FLI1: variants seen among roughly 807,000 people sequenced by gnomAD.
FLI1 encodes Fli-1 proto-oncogene, ETS transcription factor.
FLI1 carries 13 observed loss-of-function variants against 53.1 expected under a neutral mutation model. That is an observed-to-expected ratio of 0.24 (90% confidence interval 0.16 to 0.39). FLI1 has a LOEUF of 0.39. Ranked by LOEUF, FLI1 falls within the 10% of genes least tolerant of loss-of-function variation. The probability of loss-of-function intolerance (pLI) is 1.00; values close to 1 mark genes in which losing one functional copy is unlikely to be tolerated. For missense variants in FLI1, 424 were observed against 600.5 expected (o/e 0.71, Z 3.07); for synonymous variants, 244 against 236.7 (o/e 1.03, Z -0.28).
At chr11:128,808,155 A>G (rs1420528798) in intron 7 of FLI1, among the ~76,000 whole-genome samples, 2 of 152,220 alleles carry the variant, frequency 1.3e-5, no homozygotes, top group Non-Finnish European at 2.9e-5. Context: ...AAAATTATGC[A>G]TTAGTCATCA....
intron 1 of FLI1, among the ~76,000 whole-genome samples, chr11:128,736,842 T>C (rs1471694404): frequency 1.3e-5 from 2 of 152,168 alleles, no homozygotes; most frequent in Admixed American, 6.5e-5. Context: ...TATCTGTGTG[T>C]ATGCAGGTGT....
At chr11:128,792,362 G>A (rs910410192) in intron 5 of FLI1, among the ~76,000 whole-genome samples, 1 of 152,204 alleles carries the variant, frequency 6.6e-6, no homozygotes, top group African/African-American at 2.4e-5. Context: ...AAAATCAGGA[G>A]CCTGACCCAG....
chr11:128,806,290 C>T (rs1942780903), intron 6 of FLI1: 1 of 152,124 alleles, frequency 6.6e-6, no homozygotes, highest in Admixed American at 6.5e-5. Context: ...AGAAATCAAG[C>T]ACACACAGAA....
intron 2 of FLI1, 39 bp from the exon 3 acceptor site, chr11:128,768,079 G>A: frequency 3.2e-6 from 5 of 1,562,808 alleles, no homozygotes; most frequent in Non-Finnish European, 4.3e-6. Flanking sequence ...TGCCCTGTCA[G>A]TGCTGACCGC....
chr11:128,729,217 G>A (rs887391407), intron 1 of FLI1, among the ~76,000 whole-genome samples: 1 of 152,186 alleles, frequency 6.6e-6, no homozygotes, highest in Non-Finnish European at 1.5e-5. Flanking sequence ...AAAGGTAGGG[G>A]GAGAGATTAA....
chr11:128,790,576 G>A (rs1160022289), intron 5 of FLI1, among the ~76,000 whole-genome samples: 5 of 152,134 alleles, frequency 3.3e-5, no homozygotes, highest in South Asian at 4.2e-4. Context: ...TGTGCTGTGC[G>A]AACTGCTATT....
In FLI1 at chr11:128,707,861, C is replaced by T. The variant is rs1484891594; in HGVS notation, c.18+13585C>T. ...ATTTCACATGCCTGTTTCTGATTCA[C>T]TTCCAATTAAAGGCTCAAAACACTG... is the stretch of plus-strand genomic sequence containing the variant. On this transcript the variant is annotated intron_variant, in intron 1 of 8. Transcript: ENST00000527786. Among the ~76,000 whole-genome samples the T allele has an allele frequency of 3.9e-5, 6 of 152,328 alleles. 1 individual carries two copies. The South Asian group carries it at 6.2e-4, about 16-fold the overall frequency.
chr11:128,686,118 T>C (rs1865798419), upstream of FLI1: 3 of 334,652 alleles, frequency 9.0e-6, no homozygotes, highest in South Asian at 6.9e-5. Context: ...AGCTGGATGC[T>C]GGCAGAGAAA....
upstream of FLI1, chr11:128,686,534 T>G (rs747421867): frequency 4.4e-6 from 2 of 454,472 alleles, no homozygotes; most frequent in South Asian, 3.1e-5. Flanking sequence ...CCCAAACCCC[T>G]ACAGTCTCTC....
At chr11:128,728,793 C>A (rs1591759256) in intron 1 of FLI1, among the ~76,000 whole-genome samples, 2 of 152,234 alleles carry the variant, frequency 1.3e-5, no homozygotes, top group Non-Finnish European at 2.9e-5. Flanking sequence ...GGTAAACCTG[C>A]CTTGGCTACA....
intron 5 of FLI1, among the ~76,000 whole-genome samples, chr11:128,784,444 C>G (rs1440900198): frequency 6.6e-6 from 1 of 152,184 alleles, no homozygotes; most frequent in Non-Finnish European, 1.5e-5. Flanking sequence ...ACTGTAGTAT[C>G]CAGGCAAACA....
chr11:128,733,905 C>A (rs1023258467), intron 1 of FLI1, among the ~76,000 whole-genome samples: 1 of 152,222 alleles, frequency 6.6e-6, no homozygotes, highest in Non-Finnish European at 1.5e-5. Flanking sequence ...GAGGAGTCAG[C>A]TCCCACATGC....
chr11:128,694,152 AG>A lies in FLI1; in HGVS notation c.-104del. ...CGCAGGGGGCACGCAGGGAGGGCCC[AG>A]GGCGCCAGGGAGGCCGCGCCGGGCT... On this transcript the variant is annotated 5_prime_UTR_variant, in exon 1 of 9. Transcript: ENST00000527786. 1 of 1,267,558 alleles carries A rather than the reference AG, an allele frequency of 7.9e-7. No homozygotes were observed. The allele number at this position is 1,267,558 out of a possible 1,614,324, so 78.5% of individuals were successfully genotyped here.
At position 128,768,217 on chromosome 11, in the gene FLI1, T is replaced by C. The variant is rs775842771; in HGVS notation, c.330T>C (p.Asn110=). Residue 110 remains asparagine, a synonymous_variant, in exon 3 of 9, where the codon AAT becomes AAC. Coordinates refer to ENST00000527786, the MANE Select transcript of FLI1 (RefSeq NM_002017.5). ...ACAACAGCTATATGGACGAGAAGAA[T>C]GGCCCCCCTCCTCCCAACATGACCA... The part of the protein sequence containing the change: ...MNYNSYMDEK[N]GPPPPNMTTN... 1 of 1,613,894 alleles carries C rather than the reference T, an allele frequency of 6.2e-7. No homozygotes were observed. Among genetic ancestry groups the C allele is most frequent in the Non-Finnish European group, 8.5e-7 (1 of 1,179,854 alleles).
chr11:128,748,230 C>A, intron 1 of FLI1: 1 of 981,806 alleles, frequency 1.0e-6, no homozygotes, highest in Non-Finnish European at 1.2e-6. Context: ...GCAATTGCAT[C>A]TTCTAGGAAT....
chr11:128,688,742 A>T (rs1591719347), intron 1 of FLI1, among the ~76,000 whole-genome samples: 3 of 152,182 alleles, frequency 2.0e-5, no homozygotes, highest in African/African-American at 7.2e-5. Flanking sequence ...GCAGGGAAGA[A>T]CAAGGGAAAG....
chr11:128,764,855 G>A, intron 2 of FLI1: 1 of 1,587,762 alleles, frequency 6.3e-7, no homozygotes, highest in Non-Finnish European at 8.5e-7. Context: ...CCTGAGCAGT[G>A]GGAGGAGGGC....
chr11:128,739,155 GAGGAGACAGGC>G (rs1203603158), intron 1 of FLI1, among the ~76,000 whole-genome samples: 1 of 152,122 alleles, frequency 6.6e-6, no homozygotes. Context: ...GCCTTGCTCT[GAGGAGACAGGC>G]AGGCACTCCT....
Position 128,812,590 on chromosome 11 carries a change from G to GT in FLI1, c.*1607dup. 4.5e-6 allele frequency: 1 copy of GT among 223,898 alleles called. No individual in the cohort carries two copies. Among genetic ancestry groups the GT allele is most frequent in the East Asian group, 6.5e-5 (1 of 15,464 alleles). The allele number at this position is 223,898 out of a possible 1,614,324, so 13.9% of individuals were successfully genotyped here. ...CATTGTTGTTGATGATGTTTGTAGT[G>GT]TTTTTGTGTGTGTTATTTAAATCTT... On this transcript the variant is annotated 3_prime_UTR_variant, in exon 9 of 9. Transcript: ENST00000527786.
Sources: allele counts gnomAD v4.1 joint callset (sites outside exome capture counted in the v4.1 genomes callset), GRCh38; gene constraint gnomAD v4.1.1; transcripts MANE v1.5; gene names NCBI Gene and HGNC (gene_info 2026-07-23, HGNC 2026-07-21).